The following ZPBP variants were observed in gnomAD, a reference collection of about 807,000 sequenced individuals.
ZPBP encodes the protein zona pellucida binding protein, also known as zona pellucida-binding protein 1.
Under a neutral mutation model 44.8 loss-of-function variants are expected in ZPBP, and 26 were observed. The observed-to-expected ratio is 0.58, with a 90% CI of 0.43 to 0.81. The LOEUF (loss-of-function observed/expected upper bound fraction) is 0.81. Among genes scored for constraint, ZPBP ranks in the 30% least tolerant of loss-of-function variants. The pLI is 0.00. For synonymous variants in ZPBP, 174 were observed against 153.2 expected, an observed-to-expected ratio of 1.14 and a Z score of -1.00; for missense variants, 409 against 434.0, an observed-to-expected ratio of 0.94 and a Z score of 0.51.
At chr7:49,844,845 A>T in the ZPBP span, among the ~76,000 whole-genome samples, 1 of 152,104 alleles carries the variant, frequency 6.6e-6, no homozygotes, top group Non-Finnish European at 1.5e-5. Context: ...GGTGCCCGCC[A>T]CTACGTCCAA....
chr7:50,071,235 G>A (rs1278994507), intron 3 of ZPBP, among the ~76,000 whole-genome samples: 2 of 152,160 alleles, frequency 1.3e-5, no homozygotes, highest in Admixed American at 6.5e-5. Flanking sequence ...GAGGTATTGA[G>A]CTCAGAGCTG....
At chr7:50,042,438 A>C (rs1222279144) in intron 4 of ZPBP, among the ~76,000 whole-genome samples, 1 of 152,212 alleles carries the variant, frequency 6.6e-6, no homozygotes, top group Non-Finnish European at 1.5e-5. Flanking sequence ...GTTACCCACA[A>C]AGGCGAGCCC....
chr7:49,947,439 C>G (rs1483453908), intron 7 of ZPBP, among the ~76,000 whole-genome samples: 6 of 152,212 alleles, frequency 3.9e-5, no homozygotes, highest in Non-Finnish European at 8.8e-5. Context: ...AGCCTAGTAA[C>G]ACTGTGGCTC....
chr7:50,043,898 G>A (rs1175316655), intron 4 of ZPBP, among the ~76,000 whole-genome samples: 1 of 152,118 alleles, frequency 6.6e-6, no homozygotes, highest in Non-Finnish European at 1.5e-5. Context: ...TTCTAAAATT[G>A]ACCATATAAT....
At chr7:49,845,419 T>G in the ZPBP span, among the ~76,000 whole-genome samples, 3 of 152,240 alleles carry the variant, frequency 2.0e-5, no homozygotes, top group Admixed American at 2.0e-4. Flanking sequence ...CAACAATGCT[T>G]GTGATTATTA....
Position 49,982,189 on chromosome 7 carries a change from T to G in ZPBP, c.961+1153A>C, listed in dbSNP as rs866359812. Among the ~76,000 whole-genome samples the G allele has an allele frequency of 4.9e-4, 29 of 59,214 alleles. No homozygotes were observed. In the South Asian group the frequency reaches 6.4e-3, roughly 13 times the overall value. 38.8% of individuals were successfully genotyped at this position (59,214 alleles called of 152,430 possible). A position where few individuals can be genotyped will look rare whatever the true frequency, so the allele number is the denominator to read the frequency against. On this transcript the variant is annotated intron_variant, in intron 7 of 7. Transcript: ENST00000046087. ...ATATTATATATATATAATTTATTAT[T>G]ATATATATTTATTATATATATATAT... is the stretch of plus-strand genomic sequence containing the variant.
chr7:49,942,058 C>A (rs1483089), intron 7 of ZPBP, among the ~76,000 whole-genome samples: 113,340 of 151,948 alleles, frequency 0.75, 42,511 homozygotes, highest in East Asian at 0.89. Flanking sequence ...TGGATATACA[C>A]AGACAACTAA....
rs185405199 is a variant in ZPBP, at chr7:49,987,272, G to A, written c.784-3753C>T. ...AGCTTAATTCAAAGTGGATATCCAA[G>A]TTATAAGTATATTTAAAAGGCCTTT... is the stretch of plus-strand genomic sequence containing the variant. On this transcript the variant is annotated intron_variant, in intron 6 of 7. Coordinates refer to ENST00000046087, the MANE Select transcript of ZPBP (RefSeq NM_007009.3). Among the ~76,000 whole-genome samples the A allele has an allele frequency of 4.9e-3, 753 of 152,260 alleles. 7 individuals are homozygous for A. Among genetic ancestry groups the A allele is most frequent in the Non-Finnish European group, 7.0e-3 (478 of 68,014 alleles).
Position 50,026,010 on chromosome 7 carries a change from G to C in ZPBP, c.706+5082C>G, listed in dbSNP as rs562770479. Among the ~76,000 whole-genome samples, 11 of 151,800 alleles carry C rather than the reference G, an allele frequency of 7.2e-5. No individual in the cohort carries two copies. The South Asian group carries it at 2.3e-3, about 31-fold the overall frequency. On this transcript the variant is annotated intron_variant, in intron 5 of 7. Coordinates refer to ENST00000046087, the MANE Select transcript of ZPBP (RefSeq NM_007009.3). ...CCTTAGGTGCAAAAACAGAAAAATA[G>C]GTTAAAAGTAAAGGGATGAAAAAAG...
chr7:49,945,570 G>A (rs1795070925), intron 7 of ZPBP, among the ~76,000 whole-genome samples: 1 of 151,922 alleles, frequency 6.6e-6, no homozygotes, highest in Non-Finnish European at 1.5e-5. Flanking sequence ...ATATCCTCTT[G>A]CTGAATTGAT....
intron 1 of ZPBP, among the ~76,000 whole-genome samples, chr7:49,923,578 T>C (rs1794112378): frequency 6.6e-6 from 1 of 151,274 alleles, no homozygotes; most frequent in Non-Finnish European, 1.5e-5. Flanking sequence ...ACTGTTTTGC[T>C]CTATCTTAAT....
chr7:49,884,268 A>G (rs544086386), intron 2 of ZPBP, among the ~76,000 whole-genome samples: 1 of 152,358 alleles, frequency 6.6e-6, no homozygotes, highest in South Asian at 2.1e-4. Flanking sequence ...TGCCAGTGCT[A>G]TGGAAACACA....
chr7:49,894,066 G>T (rs1433272565), intron 2 of ZPBP, among the ~76,000 whole-genome samples: 2 of 152,198 alleles, frequency 1.3e-5, no homozygotes, highest in African/African-American at 2.4e-5. Context: ...GAGGAGATAT[G>T]ACATAGACAC....
chr7:49,860,493 A>C (rs1390021785), intron 2 of ZPBP, among the ~76,000 whole-genome samples: 5 of 152,136 alleles, frequency 3.3e-5, no homozygotes, highest in African/African-American at 9.7e-5. Flanking sequence ...TTGTTGCTCC[A>C]TTCATCTCTT....
chr7:49,956,421 C>T (rs1795595571), intron 7 of ZPBP, among the ~76,000 whole-genome samples: 1 of 151,860 alleles, frequency 6.6e-6, no homozygotes, highest in African/African-American at 2.4e-5. Flanking sequence ...GAAAAGTCTC[C>T]TAAAATATGT....
At chr7:49,975,902 TGTC>T (rs1400727955) in intron 7 of ZPBP, among the ~76,000 whole-genome samples, 1 of 152,222 alleles carries the variant, frequency 6.6e-6, no homozygotes, top group African/African-American at 2.4e-5. Flanking sequence ...TGTACTTTTT[TGTC>T]CCCTTTCCAA....
At chr7:50,020,047 C>CA (rs879423466) in intron 5 of ZPBP, among the ~76,000 whole-genome samples, 1,657 of 104,252 alleles carry the variant, frequency 0.016, 8 homozygotes, top group Non-Finnish European at 0.022. Context: ...GACTCTGTCT[C>CA]AAAAAAAAAA....
intron 4 of ZPBP, among the ~76,000 whole-genome samples, chr7:50,041,205 G>A (rs1291498877): frequency 6.6e-6 from 1 of 152,198 alleles, no homozygotes; most frequent in African/African-American, 2.4e-5. Context: ...CAGAGCACCT[G>A]GGGGAAGGGG....
chr7:49,933,262 T>A (rs12674162), downstream of ZPBP, among the ~76,000 whole-genome samples: 118,327 of 152,144 alleles, frequency 0.78, 46,190 homozygotes, highest in East Asian at 0.89. Context: ...ACTGCTGACA[T>A]CTAGGTTATG....
Sources: allele counts gnomAD v4.1 joint callset (sites outside exome capture counted in the v4.1 genomes callset), GRCh38; gene constraint gnomAD v4.1.1; transcripts MANE v1.5; gene names NCBI Gene and HGNC (gene_info 2026-07-23, HGNC 2026-07-21).